INAVA: variants seen among roughly 807,000 people sequenced by gnomAD.
INAVA encodes innate immunity activator protein.
INAVA carries 32 observed loss-of-function variants against 55.3 expected under a neutral mutation model. The ratio of observed to expected loss-of-function variants is 0.58; its 90% confidence interval spans 0.44 to 0.78. The LOEUF (loss-of-function observed/expected upper bound fraction) is 0.78. INAVA is among the 30% of genes least tolerant of loss of function. INAVA has a pLI of 0.00. For synonymous variants in INAVA, 294 were observed against 329.4 expected (o/e 0.89, Z 1.16); for missense variants, 756 against 786.4 (o/e 0.96, Z 0.46).
At chr1:200,899,668 G>A (rs1403363753) in intron 3 of INAVA, 71 bp downstream of exon 3, 25 of 1,561,298 alleles carry the variant, frequency 1.6e-5, no homozygotes, top group African/African-American at 5.4e-5. Flanking sequence ...GTGGGGATGC[G>A]GGAGCTGGGG....
chr1:200,909,119 T>C (rs1653612261), intron 7 of INAVA, 105 bp from the exon 8 acceptor site: 1 of 1,383,810 alleles, frequency 7.2e-7, no homozygotes. Flanking sequence ...CAGTTTGCCC[T>C]ACTAACTTTG....
At chr1:200,894,722 T>C (rs536119434), upstream of INAVA, 6 of 894,584 alleles carry the variant, frequency 6.7e-6, no homozygotes, top group East Asian at 7.2e-4. Context: ...GTTGTCTTCT[T>C]TGGGGATTCC....
At chr1:200,894,752 C>G (rs1051051577), upstream of INAVA, 1 of 981,970 alleles carries the variant, frequency 1.0e-6, no homozygotes, top group Non-Finnish European at 1.2e-6. Context: ...GCCCCTTTTT[C>G]CCTGCTACCC....
chr1:200,892,750 C>T (rs987848049), upstream of INAVA, among the ~76,000 whole-genome samples: 4 of 152,150 alleles, frequency 2.6e-5, no homozygotes, highest in African/African-American at 7.2e-5. Context: ...AATGACATGG[C>T]CATCAGAGAG....
chr1:200,910,064 C>T (rs763607823), intron 8 of INAVA, among the ~76,000 whole-genome samples: 25 of 152,266 alleles, frequency 1.6e-4, no homozygotes, highest in Middle Eastern at 3.4e-3. Context: ...TAGGGAGGAA[C>T]AGTAGACAGC....
intron 2 of INAVA, 65 bp from the exon 3 acceptor site, chr1:200,899,408 C>T (rs1354468016): frequency 6.2e-7 from 1 of 1,604,200 alleles, no homozygotes; most frequent in Non-Finnish European, 8.5e-7. Context: ...TAGGGGTGGT[C>T]AATAAGTAAC....
At position 200,911,268 on chromosome 1, in the gene INAVA, C is replaced by T. The variant is rs148590095; in HGVS notation, c.960-185C>T. Among the ~76,000 whole-genome samples, 6 of 152,156 alleles carry T rather than the reference C, an allele frequency of 3.9e-5. No individual in the cohort carries two copies. The East Asian group carries it at 1.2e-3, about 29-fold the overall frequency. ...ACACAGGGAAGGAATGCGTTGGCAC[C>T]CACGCAGCCCGGCAGAGGGTTTGTT... On this transcript the variant is annotated intron_variant, in intron 8 of 9. Coordinates refer to ENST00000413687, the MANE Select transcript of INAVA (RefSeq NM_001142569.3).
At chr1:200,903,687 C>T (rs966360913) in intron 5 of INAVA, among the ~76,000 whole-genome samples, 6 of 151,596 alleles carry the variant, frequency 4.0e-5, no homozygotes. Context: ...GCCTGTAATC[C>T]CAGCTACTCG....
upstream of INAVA, among the ~76,000 whole-genome samples, chr1:200,894,558 C>T (rs537463637): frequency 5.0e-4 from 76 of 152,152 alleles, no homozygotes; most frequent in African/African-American, 1.7e-3. Context: ...ACCTTGCTTC[C>T]GGGGTGCTTA....
At chr1:200,906,972 T>C (rs986878940) in intron 5 of INAVA, among the ~76,000 whole-genome samples, 1 of 152,094 alleles carries the variant, frequency 6.6e-6, no homozygotes, top group East Asian at 1.9e-4. Flanking sequence ...ACTACAGGCA[T>C]GCACCATCAT....
chr1:200,899,383 G>A (rs1653128932), intron 2 of INAVA, 90 bp from the exon 3 acceptor site: 2 of 1,252,642 alleles, frequency 1.6e-6, no homozygotes, highest in Non-Finnish European at 2.3e-6. Context: ...GCATGTGTGT[G>A]CATGTGCATT....
At chr1:200,905,619 A>G (rs1200299726) in intron 5 of INAVA, among the ~76,000 whole-genome samples, 7 of 152,238 alleles carry the variant, frequency 4.6e-5, no homozygotes, top group Non-Finnish European at 4.4e-5. Flanking sequence ...CAGACAGTAC[A>G]TATTTTAGTC....
intron 2 of INAVA, 74 bp downstream of exon 2, chr1:200,898,529 T>C (rs983349800): frequency 3.7e-4 from 566 of 1,529,790 alleles, no homozygotes; most frequent in Non-Finnish European, 4.9e-4. Flanking sequence ...GACTCCTGAG[T>C]CCTGAGCCCT....
Position 200,909,236 on chromosome 1 carries a change from C to G in INAVA, c.798C>G (p.Thr266=). ...AATCCTTTTGCAGCAGCCCAGCCACCACACCACAGGATGGGCCCAGTGCCT... is the reference window on the plus strand; with the variant it reads ...AATCCTTTTGCAGCAGCCCAGCCACGACACCACAGGATGGGCCCAGTGCCT... ...EPWSESSSPA[T]TPQDGPSASS... is the part of the protein sequence containing the mutation. The change falls in exon 8 of 10, where the codon ACC becomes ACG. Residue 266 remains threonine, a synonymous_variant. Coordinates refer to ENST00000413687, the MANE Select transcript of INAVA (RefSeq NM_001142569.3). The G allele has an allele frequency of 1.3e-6, 2 of 1,524,560 alleles. No individual in the cohort carries two copies. The highest frequency in any genetic ancestry group is 1.3e-5 in the South Asian group (1 of 78,238). 94.4% of individuals were successfully genotyped at this position (1,524,560 alleles called of 1,614,324 possible).
intron 3 of INAVA, 94 bp from the exon 4 acceptor site, chr1:200,900,010 G>C: frequency 9.4e-7 from 1 of 1,063,804 alleles, no homozygotes; most frequent in Non-Finnish European, 1.4e-6. Context: ...TCCCACCAGG[G>C]CTTCTATGGA....
chr1:200,905,254 T>C (rs1313652771), intron 5 of INAVA, among the ~76,000 whole-genome samples: 1 of 152,124 alleles, frequency 6.6e-6, no homozygotes, highest in Non-Finnish European at 1.5e-5. Flanking sequence ...TTTCATTAAA[T>C]TGCGGAGCAG....
rs1653744223 is a variant in INAVA at position 200,911,798 on chromosome 1, G to C, written c.1305G>C (p.Gly435=). ...LLLPPGYFPA[G]RYVVVAESPL... is the part of the protein sequence containing the mutation. ...TGCCGCCTGGCTATTTCCCGGCGGG[G>C]CGGTACGTGGTGGTGGCTGAGAGCC... Residue 435 remains glycine (G), a synonymous_variant, in exon 9 of 10, where the codon GGG becomes GGC. Coordinates refer to ENST00000413687, the MANE Select transcript of INAVA (RefSeq NM_001142569.3). 6.2e-7 allele frequency: 1 copy of C among 1,608,676 alleles called. No individual in the cohort carries two copies. The highest frequency in any genetic ancestry group is 1.3e-5 in the African/African-American group (1 of 74,828).
At chr1:200,912,225 A>G in intron 9 of INAVA, 88 bp downstream of exon 9, 1 of 1,239,352 alleles carries the variant, frequency 8.1e-7, no homozygotes, top group Non-Finnish European at 1.1e-6. Flanking sequence ...CCAAGGGTAC[A>G]GAGGCATCAA....
chr1:200,893,691 T>C (rs1195304590), upstream of INAVA, among the ~76,000 whole-genome samples: 1 of 152,004 alleles, frequency 6.6e-6, no homozygotes. Flanking sequence ...GGGGCTAGCA[T>C]TGTTTGGAAA....
Sources: gnomAD v4.1 joint callset for allele counts (sites outside exome capture counted in the v4.1 genomes callset) on GRCh38, gnomAD v4.1.1 for gene constraint, MANE v1.5 for transcripts, NCBI Gene and HGNC (gene_info 2026-07-23, HGNC 2026-07-21) for gene names.